GLIS3: variants seen among roughly 807,000 people sequenced by gnomAD.
GLIS3 encodes GLIS family zinc finger 3, also known as zinc finger protein GLIS3.
Under a neutral mutation model 78.6 loss-of-function variants are expected in GLIS3, and 53 were observed. The ratio of observed to expected loss-of-function variants is 0.67; its 90% CI spans 0.54 to 0.85. The LOEUF (loss-of-function observed/expected upper bound fraction) is 0.85. Among genes scored for constraint, GLIS3 ranks in the 40% least tolerant of loss-of-function variants. The pLI, the probability that GLIS3 is intolerant of heterozygous loss-of-function variation, is 0.00. For missense variants in GLIS3, 1,703 were observed against 1,231.1 expected (o/e 1.38, Z -5.74); for synonymous variants, 684 against 509.9 (o/e 1.34, Z -4.60).
chr9:4,349,439 A>T (rs1270414629), upstream of GLIS3, among the ~76,000 whole-genome samples: 1 of 152,206 alleles, frequency 6.6e-6, no homozygotes, highest in African/African-American at 2.4e-5. Flanking sequence ...CATTGCATAC[A>T]ATACCCTCTC....
Position 3,951,895 on chromosome 9 carries a change from C to A in GLIS3, c.1711-14706G>T, listed in dbSNP as rs189837579. ...ACACACACACACACACGCACGCACA[C>A]ACCCACTGGCCTTTCTGGATGATTT... On this transcript the variant is annotated intron_variant, in intron 4 of 10. Coordinates refer to ENST00000381971, the MANE Select transcript of GLIS3 (RefSeq NM_001042413.2). 9.2e-5 allele frequency among the ~76,000 whole-genome samples: 14 copies of A among 151,836 alleles called. No homozygotes were observed. The East Asian group carries it at 2.7e-3, about 29-fold the overall frequency.
chr9:3,868,213 AC>A (rs1820732793), intron 8 of GLIS3, among the ~76,000 whole-genome samples: 1 of 152,242 alleles, frequency 6.6e-6, no homozygotes, highest in Non-Finnish European at 1.5e-5. Flanking sequence ...TGCTCACTAG[AC>A]AAATTGCAAC....
At chr9:4,195,769 A>C (rs1199336145) in intron 2 of GLIS3, among the ~76,000 whole-genome samples, 1 of 152,154 alleles carries the variant, frequency 6.6e-6, no homozygotes, top group Non-Finnish European at 1.5e-5. Context: ...GAGAACTTTT[A>C]TGTCTAGCTG....
At chr9:4,317,570 T>C (rs1446596828) in intron 2 of GLIS3, among the ~76,000 whole-genome samples, 1 of 152,242 alleles carries the variant, frequency 6.6e-6, no homozygotes, top group Non-Finnish European at 1.5e-5. Context: ...ATAAAACATT[T>C]TAGATTACGT....
intron 4 of GLIS3, among the ~76,000 whole-genome samples, chr9:4,013,142 C>A (rs905324858): frequency 6.6e-6 from 1 of 151,922 alleles, no homozygotes; most frequent in Non-Finnish European, 1.5e-5. Context: ...GTTGGTGATG[C>A]CTGTAAGGAA....
At chr9:4,000,892 G>A (rs148211607) in intron 4 of GLIS3, among the ~76,000 whole-genome samples, 2 of 152,316 alleles carry the variant, frequency 1.3e-5, no homozygotes, top group African/African-American at 4.8e-5. Context: ...CCTCAGTGGA[G>A]TCTTCCCTGA....
At chr9:3,934,637 G>C (rs1291648189) in intron 5 of GLIS3, among the ~76,000 whole-genome samples, 1 of 152,176 alleles carries the variant, frequency 6.6e-6, no homozygotes, top group Non-Finnish European at 1.5e-5. Context: ...TCGAACTCCT[G>C]ATCTCAGGTG....
intron 2 of GLIS3, among the ~76,000 whole-genome samples, chr9:4,166,998 G>A (rs1374315520): frequency 2.0e-5 from 3 of 152,184 alleles, no homozygotes; most frequent in Non-Finnish European, 4.4e-5. Context: ...TGAGTGTGAG[G>A]GTCAGGAGAA....
At chr9:3,932,743 G>T in intron 5 of GLIS3, 1 of 437,122 alleles carries the variant, frequency 2.3e-6, no homozygotes, top group Non-Finnish European at 4.4e-6. Flanking sequence ...AAAACCTCTT[G>T]GGGCATTTTT....
intron 4 of GLIS3, among the ~76,000 whole-genome samples, chr9:4,060,229 T>C (rs867639105): frequency 3.3e-5 from 5 of 152,206 alleles, no homozygotes; most frequent in African/African-American, 1.2e-4. Flanking sequence ...TCTTCAAGAC[T>C]AACTGCCTAT....
intron 2 of GLIS3, among the ~76,000 whole-genome samples, chr9:4,164,519 G>T (rs187829245): frequency 4.6e-5 from 7 of 152,262 alleles, no homozygotes; most frequent in Non-Finnish European, 1.0e-4. Flanking sequence ...GGATTAACTC[G>T]ACTGTGAAAG....
At chr9:3,830,686 A>G (rs777827240) in intron 9 of GLIS3, among the ~76,000 whole-genome samples, 1 of 152,226 alleles carries the variant, frequency 6.6e-6, no homozygotes, top group Admixed American at 6.5e-5. Context: ...GAACAAACCC[A>G]TGGACTTTGG....
At chr9:3,991,297 A>G (rs138329041) in intron 4 of GLIS3, among the ~76,000 whole-genome samples, 7 of 152,138 alleles carry the variant, frequency 4.6e-5, no homozygotes, top group Non-Finnish European at 7.3e-5. Flanking sequence ...TTTTACTTTT[A>G]CTTTCCCCTC....
At chr9:4,395,503 G>C in the GLIS3 span, among the ~76,000 whole-genome samples, 3 of 152,126 alleles carry the variant, frequency 2.0e-5, no homozygotes, top group African/African-American at 7.2e-5. Flanking sequence ...CGATGCTCTA[G>C]CTGAAGAAGA....
the GLIS3 span, among the ~76,000 whole-genome samples, chr9:4,401,873 G>A: frequency 6.6e-6 from 1 of 152,168 alleles, no homozygotes; most frequent in Non-Finnish European, 1.5e-5. Context: ...GACCAGTGGT[G>A]GTGATGGCTC....
At chr9:4,343,344 C>G (rs954124274) in intron 2 of GLIS3, among the ~76,000 whole-genome samples, 2 of 152,010 alleles carry the variant, frequency 1.3e-5, no homozygotes, top group Non-Finnish European at 1.5e-5. Context: ...CCTGTCTCAA[C>G]AAAACAAAAC....
chr9:4,462,391 A>G, the GLIS3 span, among the ~76,000 whole-genome samples: 6 of 152,174 alleles, frequency 3.9e-5, no homozygotes, highest in African/African-American at 1.4e-4. Context: ...GGGTGTTTTC[A>G]GACTTGTACA....
chr9:4,329,778 T>A (rs1817657246), intron 2 of GLIS3, among the ~76,000 whole-genome samples: 1 of 152,056 alleles, frequency 6.6e-6, no homozygotes, highest in Non-Finnish European at 1.5e-5. Flanking sequence ...GAACTCACAA[T>A]CTTTACAACG....
At chr9:3,842,564 G>T (rs964192114) in intron 9 of GLIS3, among the ~76,000 whole-genome samples, 7 of 152,122 alleles carry the variant, frequency 4.6e-5, no homozygotes, top group African/African-American at 1.7e-4. Context: ...GGTTATCTCC[G>T]ACTGGGGAGC....
Sources: allele counts gnomAD v4.1 joint callset (sites outside exome capture counted in the v4.1 genomes callset), GRCh38; gene constraint gnomAD v4.1.1; transcripts MANE v1.5; gene names NCBI Gene and HGNC (gene_info 2026-07-23, HGNC 2026-07-21).